The following PRKCG variants were observed in gnomAD, a reference collection of about 807,000 sequenced individuals.
The protein encoded by PRKCG is protein kinase C gamma type.
A neutral mutation model predicts 82.0 loss-of-function variants in PRKCG; 28 were observed. That is an observed-to-expected ratio of 0.34 (90% confidence interval 0.25 to 0.47). The LOEUF (loss-of-function observed/expected upper bound fraction) is 0.47, where lower values mean the gene tolerates loss of function less well. PRKCG is among the 20% of genes least tolerant of loss of function. The pLI, the probability that PRKCG is intolerant of heterozygous loss-of-function variation, is 1.00. For missense variants in PRKCG, 640 were observed against 952.7 expected (o/e 0.67, Z 4.32); for synonymous variants, 383 against 376.6 (o/e 1.02, Z -0.20).
In PRKCG at chr19:53,883,676, A is replaced by C. The variant is rs1003747226; in HGVS notation, c.202+482A>C. Among the ~76,000 whole-genome samples, 1 of 127,454 alleles carries C rather than the reference A, an allele frequency of 7.8e-6. No individual in the cohort carries two copies. Among genetic ancestry groups the C allele is most frequent in the Non-Finnish European group, 1.6e-5 (1 of 61,216 alleles). 83.6% of individuals were successfully genotyped at this position (127,454 alleles called of 152,430 possible). On this transcript the variant is annotated intron_variant, in intron 2 of 17. Transcript: ENST00000263431. The surrounding 1 kb of genome is among the most constrained non-coding windows in gnomAD (Gnocchi z 5.4). ...GGCGAGTCCTTGAGCACCAGCTGCTACTGCTGAGAACAGAGTGAGTCAGGG... is the reference window on the plus strand; with the variant it reads ...GGCGAGTCCTTGAGCACCAGCTGCTCCTGCTGAGAACAGAGTGAGTCAGGG...
chr19:53,899,436 A>T (rs922446905), intron 11 of PRKCG, among the ~76,000 whole-genome samples: 1 of 152,212 alleles, frequency 6.6e-6, no homozygotes, highest in East Asian at 1.9e-4. Flanking sequence ...TGAAGGACAC[A>T]TCAGAAACAG....
At position 53,906,460 on chromosome 19, in the gene PRKCG, C is replaced by A. The variant is rs1431733560; in HGVS notation, c.1905+3C>A. ...CGCCTCCTTTCAGACCCCGCCCGGTCAGTCACCCTCCAGGCAACAAAAACC... is the reference window on the plus strand; with the variant it reads ...CGCCTCCTTTCAGACCCCGCCCGGTAAGTCACCCTCCAGGCAACAAAAACC... On this transcript the variant is annotated splice_donor_region_variant and intron_variant, in intron 17 of 17. Transcript: ENST00000263431. 2.5e-6 allele frequency: 4 copies of A among 1,574,452 alleles called. No homozygotes were observed. The highest frequency in any genetic ancestry group is 1.2e-5 in the South Asian group (1 of 86,520).
chr19:53,887,498 A>C (rs1193198721), intron 3 of PRKCG, among the ~76,000 whole-genome samples: 1 of 6,118 alleles, frequency 1.6e-4, no homozygotes, highest in Non-Finnish European at 2.9e-4. Flanking sequence ...ACTCTGTCTC[A>C]AAAAAAAAAA....
At chr19:53,898,730 G>GT (rs984361119) in intron 11 of PRKCG, 102 bp downstream of exon 11, 2 of 1,153,756 alleles carry the variant, frequency 1.7e-6, no homozygotes, top group African/African-American at 3.2e-5. Context: ...AGAGAACTTT[G>GT]TGCTCTCTGA....
At position 53,893,013 on chromosome 19, in the gene PRKCG, G is replaced by A. The variant is rs1408771379; in HGVS notation, c.847G>A (p.Gly283Ser). The change falls in exon 8 of 18, where the codon GGC becomes AGC. Residue 283 changes from glycine to serine, a missense_variant. By Grantham distance (56) the Gly-to-Ser change is moderately conservative. Around this residue, in one of 7 missense-constraint regions of PRKCG, gnomAD observed 261 missense variants for 312.1 expected, o/e 0.84. Coordinates refer to ENST00000263431, the MANE Select transcript of PRKCG (RefSeq NM_002739.5). ...GTACAAGTTACTGAACCAGGAGGAG[G>A]GCGAGTATTACAATGTGCCGGTGGC... The part of the protein sequence containing the change: ...GWYKLLNQEE[G>S]EYYNVPVADA... 1.9e-6 allele frequency: 3 copies of A among 1,613,974 alleles called. No homozygotes were observed. The highest frequency in any genetic ancestry group is 1.7e-6 in the Non-Finnish European group (2 of 1,180,020).
chr19:53,900,629 T>C lies in PRKCG; in HGVS notation c.1455T>C (p.Asn485=), dbSNP rs751074068. Residue 485 remains asparagine, a synonymous_variant, in exon 14 of 18, where the codon AAT becomes AAC. Coordinates refer to ENST00000263431, the MANE Select transcript of PRKCG (RefSeq NM_002739.5). This position sits in a 1 kb window ranked among gnomAD's most constrained non-coding sequence, Gnocchi z 4.2. ...GIIYRDLKLD[N]VMLDAEGHIK... ...CGTCCAGGGACCTGAAGCTGGACAA[T>C]GTGATGCTGGATGCTGAGGGACACA... is the stretch of plus-strand genomic sequence containing the variant. 6 of 1,614,090 alleles carry C rather than the reference T, an allele frequency of 3.7e-6. No homozygotes were observed. The South Asian group carries it at 5.5e-5, about 15-fold the overall frequency.
chr19:53,882,422 T>A lies in PRKCG; in HGVS notation c.-73T>A. ...TGTGGCTCCTTTGATCCTTCGAGTC[T>A]CCAGCTCCTCTCCCTTCCACCTGTT... On this transcript the variant is annotated 5_prime_UTR_variant, in exon 1 of 18. Transcript: ENST00000263431. The surrounding 1 kb of genome is among the most constrained non-coding windows in gnomAD (Gnocchi z 6.1). The A allele has an allele frequency of 6.4e-7, 1 of 1,569,848 alleles. No individual in the cohort carries two copies. Among genetic ancestry groups the A allele is most frequent in the East Asian group, 2.3e-5 (1 of 43,986 alleles).
intron 15 of PRKCG, 39 bp downstream of exon 15, chr19:53,903,192 GAC>G (rs769299293): frequency 6.5e-7 from 1 of 1,527,512 alleles, no homozygotes; most frequent in African/African-American, 1.4e-5. Flanking sequence ...GGCTAAAAGA[GAC>G]AGAGAGGGGC....
At chr19:53,898,174 C>G (rs2068731501) in intron 10 of PRKCG, 63 bp downstream of exon 10, 1 of 1,587,268 alleles carries the variant, frequency 6.3e-7, no homozygotes, top group South Asian at 1.1e-5. Flanking sequence ...ATTTCTGGTT[C>G]TTAGGGAGGA....
chr19:53,905,810 C>T (rs1599955478), intron 16 of PRKCG, among the ~76,000 whole-genome samples: 1 of 140,056 alleles, frequency 7.1e-6, no homozygotes, highest in East Asian at 2.2e-4. Context: ...TCCCTCTCCT[C>T]TTCTCCATCT....
intron 9 of PRKCG, 101 bp downstream of exon 9, chr19:53,893,492 G>T: frequency 7.7e-7 from 1 of 1,293,426 alleles, no homozygotes. Flanking sequence ...CACATGAGTT[G>T]AGCACACATT....
Position 53,898,527 on chromosome 19 carries a change from G to A in PRKCG, c.1180G>A (p.Asp394Asn), listed in dbSNP as rs773655248. The A allele has an allele frequency of 6.2e-7, 1 of 1,613,878 alleles. No homozygotes were observed. The highest frequency in any genetic ancestry group is 2.2e-5 in the East Asian group (1 of 44,824). ...KDVIVQDDDV[D>N]CTLVEKRVLA... is the part of the protein sequence containing the mutation. ...CGTGATCGTCCAGGACGACGATGTG[G>A]ACTGCACGCTGGTGGAGAAACGTGT... is the stretch of plus-strand genomic sequence containing the variant. Residue 394 changes from aspartate to asparagine, a missense_variant, in exon 11 of 18, where the codon GAC becomes AAC. Physicochemically the swap from Asp to Asn is conservative, Grantham distance 23. Around this residue, in one of 7 missense-constraint regions of PRKCG, gnomAD observed 22 missense variants for 59.0 expected, o/e 0.37. Transcript: ENST00000263431.
At chr19:53,890,917 C>A (rs10411631) in intron 5 of PRKCG, among the ~76,000 whole-genome samples, 19,272 of 151,320 alleles carry the variant, frequency 0.13, 3,391 homozygotes, top group African/African-American at 0.4. Context: ...GCACCCAGCT[C>A]ATTTTTGTAT....
In PRKCG at chr19:53,884,240, G is replaced by A. The variant is rs759030444; in HGVS notation, c.282G>A (p.Thr94=). 1.7e-5 allele frequency: 27 copies of A among 1,613,754 alleles called. No homozygotes were observed. Among genetic ancestry groups the A allele is most frequent in the Non-Finnish European group, 1.9e-5 (22 of 1,180,010 alleles). Reference sequence around the variant, plus strand: ...CAGGCGCTGGGAAGGGCCCCCAGACGGACGTGAGTGCTCGGACACCTGGTT... The same window carrying A: ...CAGGCGCTGGGAAGGGCCCCCAGACAGACGTGAGTGCTCGGACACCTGGTT... ...ECPGAGKGPQ[T]DDPRNKHKFR... The change falls in exon 3 of 18, where the codon ACG becomes ACA. Residue 94 remains threonine (T), a synonymous_variant. Coordinates refer to ENST00000263431, the MANE Select transcript of PRKCG (RefSeq NM_002739.5). This position sits in a 1 kb window ranked among gnomAD's most constrained non-coding sequence, Gnocchi z 4.6.
At chr19:53,895,386 G>A (rs1568756977) in intron 9 of PRKCG, among the ~76,000 whole-genome samples, 2 of 151,350 alleles carry the variant, frequency 1.3e-5, no homozygotes, top group Non-Finnish European at 2.9e-5. Flanking sequence ...TACTCGGAAG[G>A]CTGAGGCAGG....
At chr19:53,886,303 A>T (rs1347179830) in intron 3 of PRKCG, among the ~76,000 whole-genome samples, 1 of 151,754 alleles carries the variant, frequency 6.6e-6, no homozygotes, top group African/African-American at 2.4e-5. Flanking sequence ...ACAGGGTTTC[A>T]TCATGCTGGC....
At position 53,883,169 on chromosome 19, in the gene PRKCG, CG is replaced by C. The variant is rs1234608100; in HGVS notation, c.179del (p.Gly60GlufsTer22). Reference protein sequence around the residue: ...SHCTDFIWGIGKQGLQCQVCS... With the variant: ...SHCTDFIWGIXKQGLQCQVCS... ...GGATCCCTGACTCTTCCAGGGGTATCGGAAAGCAGGGCCTGCAATGTCAAGG... is the reference window on the plus strand; with the variant it reads ...GGATCCCTGACTCTTCCAGGGGTATCGAAAGCAGGGCCTGCAATGTCAAGG... On this transcript the variant is annotated frameshift_variant, in exon 2 of 18. Coordinates refer to ENST00000263431, the MANE Select transcript of PRKCG (RefSeq NM_002739.5). LOFTEE classifies it high-confidence loss of function. This position sits in a 1 kb window ranked among gnomAD's most constrained non-coding sequence, Gnocchi z 5.4. The C allele has an allele frequency of 6.2e-7, 1 of 1,613,792 alleles. No homozygotes were observed. The highest frequency in any genetic ancestry group is 8.5e-7 in the Non-Finnish European group (1 of 1,179,954).
At chr19:53,906,286 G>A in intron 16 of PRKCG, 31 bp from the exon 17 acceptor site, 9 of 1,550,462 alleles carry the variant, frequency 5.8e-6, no homozygotes, top group Non-Finnish European at 7.8e-6. Context: ...CTGTCTGTTT[G>A]TCTGTCTGTC....
chr19:53,906,792 G>A lies in PRKCG; in HGVS notation c.1991G>A (p.Ser664Asn). ...LTPPDRLVLASIDQADFQGFT... is the reference protein window; with the variant it reads ...LTPPDRLVLANIDQADFQGFT... The stretch of plus-strand genomic sequence containing the variant: ...CCTCCAGACCGCCTAGTCCTGGCCA[G>A]CATCGACCAGGCCGATTTCCAGGGC... Residue 664 changes from serine (S) to asparagine (N), a missense_variant, in exon 18 of 18, where the codon AGC (serine) becomes AAC (asparagine). Coordinates refer to ENST00000263431, the MANE Select transcript of PRKCG (RefSeq NM_002739.5). The A allele has an allele frequency of 6.2e-7, 1 of 1,613,716 alleles. No individual in the cohort carries two copies. Among genetic ancestry groups the A allele is most frequent in the Non-Finnish European group, 8.5e-7 (1 of 1,180,020 alleles).
Sources: gnomAD v4.1 joint callset for allele counts (sites outside exome capture counted in the v4.1 genomes callset) on GRCh38, gnomAD v4.1.1 for gene constraint, gnomAD v4.1.1 regional missense constraint, Gnocchi (gnomAD v3.1) non-coding constraint, MANE v1.5 for transcripts, NCBI Gene and HGNC (gene_info 2026-07-23, HGNC 2026-07-21) for gene names.